Variants in SERINC5 observed in about 807,000 individuals in gnomAD.
SERINC5 encodes serine incorporator 5, also known as chromosome 5 open reading frame 12.
SERINC5 carries 41 observed loss-of-function variants against 63.1 expected under a neutral mutation model. The observed-to-expected ratio is 0.65, with a 90% CI of 0.51 to 0.84. The LOEUF is 0.84. Among genes scored for constraint, SERINC5 ranks in the 40% least tolerant of loss-of-function variants. The pLI is 0.00. For missense variants in SERINC5, 523 were observed against 573.0 expected (o/e 0.91, Z 0.89); for synonymous variants, 222 against 215.2 (o/e 1.03, Z -0.28).
chr5:80,173,457 A>G (rs772188145), intron 5 of SERINC5, among the ~76,000 whole-genome samples: 23 of 152,224 alleles, frequency 1.5e-4, no homozygotes, highest in Non-Finnish European at 2.2e-4. Flanking sequence ...TTAGCCGGGC[A>G]TGGTGGCAGG....
intron 5 of SERINC5, among the ~76,000 whole-genome samples, chr5:80,170,295 G>T (rs1343505352): frequency 1.3e-5 from 2 of 152,184 alleles, no homozygotes; most frequent in African/African-American, 4.8e-5. Flanking sequence ...AGTTACAGCT[G>T]ACATGTCCTT....
chr5:80,205,975 CAAAAA>C (rs368524252), intron 1 of SERINC5, among the ~76,000 whole-genome samples: 1 of 74,324 alleles, frequency 1.3e-5, no homozygotes, highest in Non-Finnish European at 2.7e-5. Flanking sequence ...TGGTGGTGCA[CAAAAA>C]AAAAAAAAAA....
intron 1 of SERINC5, among the ~76,000 whole-genome samples, chr5:80,235,823 A>AT (rs1201271212): frequency 2.0e-5 from 3 of 152,120 alleles, no homozygotes; most frequent in African/African-American, 7.2e-5. Context: ...TGGCATTTGC[A>AT]TTTTTTCCTA....
intron 11 of SERINC5, chr5:80,116,218 T>C: frequency 2.3e-6 from 1 of 443,486 alleles, no homozygotes; most frequent in Non-Finnish European, 4.5e-6. Context: ...ATCTTTTCAA[T>C]GCTAAAACCA....
chr5:80,167,826 C>T (rs929051816), intron 6 of SERINC5, among the ~76,000 whole-genome samples: 2 of 152,126 alleles, frequency 1.3e-5, no homozygotes, highest in African/African-American at 2.4e-5. Context: ...TTCTTTCCTG[C>T]GAAATTTTCG....
At chr5:80,228,158 T>A (rs1245125693) in intron 1 of SERINC5, among the ~76,000 whole-genome samples, 1 of 143,158 alleles carries the variant, frequency 7.0e-6, no homozygotes, top group African/African-American at 2.6e-5. Context: ...CCAGAGCCTG[T>A]GAGGTCAAGA....
chr5:80,229,021 CTTTTTTTTTTTT>C (rs1166636996), intron 1 of SERINC5, among the ~76,000 whole-genome samples: 1 of 86,056 alleles, frequency 1.2e-5, no homozygotes. Context: ...TTTTACATAC[CTTTTTTTTTTTT>C]TTTTTTTTTT....
At chr5:80,237,040 G>A (rs978929376) in intron 1 of SERINC5, among the ~76,000 whole-genome samples, 2 of 147,472 alleles carry the variant, frequency 1.4e-5, no homozygotes, top group African/African-American at 2.5e-5. Context: ...TGGCCAGGCC[G>A]GTCTTTGAAT....
intron 1 of SERINC5, among the ~76,000 whole-genome samples, chr5:80,225,868 T>C (rs1371051623): frequency 6.6e-6 from 1 of 152,218 alleles, no homozygotes; most frequent in Non-Finnish European, 1.5e-5. Context: ...AATTATATCC[T>C]GTGCTTCCAT....
chr5:80,239,414 C>T (rs74965600), intron 1 of SERINC5, among the ~76,000 whole-genome samples: 7 of 151,566 alleles, frequency 4.6e-5, no homozygotes, highest in Non-Finnish European at 2.9e-5. Flanking sequence ...CACAATCCCC[C>T]TTGTCAGCAT....
At chr5:80,170,136 T>G (rs533149325) in intron 5 of SERINC5, among the ~76,000 whole-genome samples, 60 of 152,252 alleles carry the variant, frequency 3.9e-4, no homozygotes, top group African/African-American at 1.4e-3. Flanking sequence ...AAGAGTTAAT[T>G]ATGTAGTCTC....
At chr5:80,238,356 T>C (rs75140955) in intron 1 of SERINC5, among the ~76,000 whole-genome samples, 16,456 of 152,166 alleles carry the variant, frequency 0.11, 1,095 homozygotes, top group Middle Eastern at 0.17. Context: ...TAGAAACCGC[T>C]TTCTGTTAAA....
chr5:80,230,459 A>AAAGAAAAAG (rs1554071008), intron 1 of SERINC5, among the ~76,000 whole-genome samples: 3 of 128,620 alleles, frequency 2.3e-5, no homozygotes, highest in South Asian at 4.5e-4. Flanking sequence ...AAAAAAAAAA[A>AAAGAAAAAG]AAAGAAACCA....
chr5:80,219,855 T>C (rs1363218783), intron 1 of SERINC5, among the ~76,000 whole-genome samples: 2 of 148,484 alleles, frequency 1.3e-5, no homozygotes, highest in African/African-American at 2.4e-5. Flanking sequence ...CTTTACCTTT[T>C]TGTTTTTTTT....
chr5:80,203,498 C>T (rs1017787135), intron 1 of SERINC5, among the ~76,000 whole-genome samples: 6 of 151,536 alleles, frequency 4.0e-5, no homozygotes, highest in Admixed American at 2.6e-4. Flanking sequence ...ACAGCAAGAC[C>T]CCATCTCTTA....
intron 1 of SERINC5, among the ~76,000 whole-genome samples, chr5:80,232,621 T>C (rs1751500468): frequency 6.6e-6 from 1 of 151,860 alleles, no homozygotes; most frequent in Non-Finnish European, 1.5e-5. Flanking sequence ...CCATCTCTAC[T>C]AAAACTATGA....
chr5:80,188,048 G>C (rs966756724), intron 2 of SERINC5, among the ~76,000 whole-genome samples: 2 of 152,112 alleles, frequency 1.3e-5, no homozygotes, highest in Admixed American at 1.3e-4. Flanking sequence ...ACTTTGGGAG[G>C]CCGAGGCAGG....
chr5:80,172,240 G>A (rs1413495396), intron 5 of SERINC5, among the ~76,000 whole-genome samples: 2 of 152,082 alleles, frequency 1.3e-5, no homozygotes, highest in African/African-American at 4.8e-5. Context: ...TGAATCGCTT[G>A]GACACCAGAG....
At chr5:80,165,341 C>T (rs893257144) in intron 7 of SERINC5, among the ~76,000 whole-genome samples, 9 of 152,146 alleles carry the variant, frequency 5.9e-5, no homozygotes, top group African/African-American at 1.9e-4. Context: ...ACTGCACCAG[C>T]TTTCCAAATT....
Sources: gnomAD v4.1 joint callset for allele counts (sites outside exome capture counted in the v4.1 genomes callset) on GRCh38, gnomAD v4.1.1 for gene constraint, MANE v1.5 for transcripts, NCBI Gene and HGNC (gene_info 2026-07-23, HGNC 2026-07-21) for gene names.